SEC31A: variants seen among roughly 807,000 people sequenced by gnomAD.
SEC31A encodes SEC31 homolog A, COPII component, also known as protein transport protein Sec31A.
In SEC31A, 70 loss-of-function variants were observed where a neutral mutation model predicts 151.0. The observed-to-expected ratio is 0.46, with a 90% CI of 0.38 to 0.57. SEC31A has a LOEUF of 0.57. Among genes scored for constraint, SEC31A ranks in the 20% least tolerant of loss-of-function variants. SEC31A has a pLI of 0.00. For missense variants in SEC31A, 1,330 were observed against 1,471.2 expected, an observed-to-expected ratio of 0.90 and a Z score of 1.57; for synonymous variants, 475 against 505.9, an observed-to-expected ratio of 0.94 and a Z score of 0.82.
At chr4:82,891,207 G>T (rs1219023683), upstream of SEC31A, 3 of 1,516,914 alleles carry the variant, frequency 2.0e-6, no homozygotes, top group Non-Finnish European at 2.6e-6. Context: ...TTCCAACGTG[G>T]CAGCCGCAGC....
chr4:82,852,931 G>A (rs888566442), intron 18 of SEC31A, among the ~76,000 whole-genome samples: 4 of 152,118 alleles, frequency 2.6e-5, no homozygotes, highest in Non-Finnish European at 5.9e-5. Context: ...TGATAAGGAG[G>A]ATACAACCTA....
chr4:82,827,244 C>T (rs866603374), intron 24 of SEC31A, 125 bp downstream of exon 24: 23 of 1,102,440 alleles, frequency 2.1e-5, no homozygotes, highest in Middle Eastern at 3.1e-4. Flanking sequence ...AAAAAAGTTA[C>T]TATTTTTTGT....
chr4:82,826,159 C>A (rs1724493977), intron 24 of SEC31A, among the ~76,000 whole-genome samples: 1 of 152,060 alleles, frequency 6.6e-6, no homozygotes, highest in African/African-American at 2.4e-5. Flanking sequence ...AGCATGAGAA[C>A]CCAAGTCTAA....
intron 22 of SEC31A, among the ~76,000 whole-genome samples, chr4:82,838,455 T>A (rs1291226362): frequency 6.6e-6 from 1 of 152,138 alleles, no homozygotes; most frequent in Non-Finnish European, 1.5e-5. Context: ...TACCATCTCC[T>A]ACCTAGAACT....
At chr4:82,825,940 A>C (rs1724452984) in intron 24 of SEC31A, among the ~76,000 whole-genome samples, 1 of 152,256 alleles carries the variant, frequency 6.6e-6, no homozygotes, top group African/African-American at 2.4e-5. Flanking sequence ...TGGATTCCAC[A>C]GAAAAGATTA....
At chr4:82,842,579 T>G (rs781118808) in intron 21 of SEC31A, 98 bp from the exon 22 acceptor site, 19 of 923,326 alleles carry the variant, frequency 2.1e-5, no homozygotes, top group Non-Finnish European at 3.0e-5. Context: ...AGAAATGATT[T>G]TAATCAAAAT....
In SEC31A at chr4:82,842,408, A is replaced by G. The variant is rs999769530; in HGVS notation, c.2700T>C (p.Ala900=). ...TAGGGTAAGCGTTTGAAGTAGGAGG[A>G]GCAACAGGCTGCTGAGGTCGATACA... ...SAMYRPQQPV[A]PPTSNAYPNT... Residue 900 remains alanine, a synonymous_variant, in exon 22 of 27, where the codon GCT becomes GCC. Coordinates refer to ENST00000395310, the MANE Select transcript of SEC31A (RefSeq NM_001077207.4). 6.2e-6 allele frequency: 10 copies of G among 1,613,878 alleles called. No homozygotes were observed. In the African/African-American group the frequency reaches 1.3e-4, roughly 22 times the overall value.
In SEC31A at chr4:82,858,764, G is replaced by A. The variant is rs546376108; in HGVS notation, c.1627-1000C>T. 3.4e-4 allele frequency among the ~76,000 whole-genome samples: 51 copies of A among 150,854 alleles called. No homozygotes were observed. In the East Asian group the frequency reaches 3.8e-3, roughly 11 times the overall value. The stretch of plus-strand genomic sequence containing the variant: ...GTCACCCAGGCTGGAGTGCAGTGGC[G>A]CACTCTCGGCTCACTGCAAACTCTG... On this transcript the variant is annotated intron_variant, in intron 14 of 26. Transcript: ENST00000395310.
chr4:82,884,646 G>A (rs1419778318), intron 1 of SEC31A, among the ~76,000 whole-genome samples: 1 of 152,186 alleles, frequency 6.6e-6, no homozygotes, highest in East Asian at 1.9e-4. Flanking sequence ...ATAACAACAT[G>A]TATCTGTCAT....
intron 22 of SEC31A, among the ~76,000 whole-genome samples, chr4:82,834,144 T>C (rs924520674): frequency 2.6e-5 from 4 of 152,224 alleles, no homozygotes; most frequent in African/African-American, 2.4e-5. Context: ...AGTTTATAAA[T>C]GCCCGGTGAG....
At chr4:82,841,197 G>C (rs554421557) in intron 22 of SEC31A, among the ~76,000 whole-genome samples, 221 of 151,816 alleles carry the variant, frequency 1.5e-3, no homozygotes, top group African/African-American at 5.0e-3. Context: ...GCTGAGGCAG[G>C]AGGGTCGCTT....
intron 6 of SEC31A, among the ~76,000 whole-genome samples, chr4:82,873,745 TAAAC>T (rs934821585): frequency 9.9e-5 from 15 of 150,960 alleles, no homozygotes; most frequent in Non-Finnish European, 1.8e-4. Flanking sequence ...AATGTACTCA[TAAAC>T]AAACAAACAA....
chr4:82,895,985 C>G (rs1289632928), upstream of SEC31A, among the ~76,000 whole-genome samples: 1 of 152,138 alleles, frequency 6.6e-6, no homozygotes, highest in Non-Finnish European at 1.5e-5. Flanking sequence ...CTCTTTAAAA[C>G]AAATGCATAT....
chr4:82,857,498 G>A (rs1246987782), intron 15 of SEC31A, among the ~76,000 whole-genome samples, 191 bp downstream of exon 15: 3 of 151,766 alleles, frequency 2.0e-5, no homozygotes, highest in Non-Finnish European at 2.9e-5. Context: ...TTGAGACAGC[G>A]TTTCACTATG....
Position 82,842,212 on chromosome 4 carries a change from C to G in SEC31A, c.2896G>C (p.Ala966Pro). ...GTTGTTCCAGGAGGCAGTGCATAAG[C>G]TGAAGATGATGGTGGAGCTCCTGGT... ...GGPGAPPSSS[A>P]YALPPGTTGT... Residue 966 changes from alanine (A) to proline (P), a missense_variant, in exon 22 of 27, where the codon GCT becomes CCT. Coordinates refer to ENST00000395310, the MANE Select transcript of SEC31A (RefSeq NM_001077207.4). 1 of 1,611,048 alleles carries G rather than the reference C, an allele frequency of 6.2e-7. No individual in the cohort carries two copies. The highest frequency in any genetic ancestry group is 1.3e-5 in the African/African-American group (1 of 74,984).
At chr4:82,872,551 C>T (rs967209639) in intron 6 of SEC31A, among the ~76,000 whole-genome samples, 2 of 152,108 alleles carry the variant, frequency 1.3e-5, no homozygotes, top group Admixed American at 1.3e-4. Flanking sequence ...ATTGAACAGT[C>T]TTAAACAGTA....
intron 22 of SEC31A, among the ~76,000 whole-genome samples, chr4:82,831,893 CT>C (rs758089029): frequency 3.9e-5 from 6 of 152,172 alleles, no homozygotes; most frequent in Non-Finnish European, 5.9e-5. Flanking sequence ...CTACAAACCA[CT>C]GCTCAAGAAA....
At chr4:82,857,161 AAT>A in intron 15 of SEC31A, 31 bp from the exon 16 acceptor site, 1 of 1,594,312 alleles carries the variant, frequency 6.3e-7, no homozygotes, top group Non-Finnish European at 8.5e-7. Context: ...ATCCAAGTTA[AAT>A]AGAGTTTTTG....
At chr4:82,864,695 T>A in intron 10 of SEC31A, 97 bp from the exon 11 acceptor site, 1 of 819,012 alleles carries the variant, frequency 1.2e-6, no homozygotes, top group Non-Finnish European at 2.0e-6. Context: ...TGGATGAAAT[T>A]AGTTGATACA....
Sources: allele counts gnomAD v4.1 joint callset (sites outside exome capture counted in the v4.1 genomes callset), GRCh38; gene constraint gnomAD v4.1.1; transcripts MANE v1.5; gene names NCBI Gene and HGNC (gene_info 2026-07-23, HGNC 2026-07-21).